The following TCF4 variants were observed in gnomAD, a reference collection of about 807,000 sequenced individuals.
The protein encoded by TCF4 is transcription factor 4.
In TCF4, 3 loss-of-function variants were observed where a neutral mutation model predicts 82.1. The observed-to-expected ratio is 0.04, with a 90% CI of 0.02 to 0.09. TCF4 has a LOEUF of 0.09. Among genes scored for constraint, TCF4 ranks in the 10% least tolerant of loss-of-function variants. TCF4 has a pLI of 1.00. For missense variants in TCF4, 518 were observed against 852.7 expected, an observed-to-expected ratio of 0.61 and a Z score of 4.89; for synonymous variants, 276 against 309.6, an observed-to-expected ratio of 0.89 and a Z score of 1.14.
At chr18:55,281,837 A>T (rs148483753) in intron 8 of TCF4, among the ~76,000 whole-genome samples, 3,167 of 152,092 alleles carry the variant, frequency 0.021, 59 homozygotes, top group Non-Finnish European at 0.032. Context: ...TCAAGCTCAA[A>T]TATCTAAGAG....
intron 6 of TCF4, among the ~76,000 whole-genome samples, chr18:55,370,963 A>C (rs1307689659): frequency 6.6e-6 from 1 of 152,158 alleles, no homozygotes; most frequent in Non-Finnish European, 1.5e-5. Flanking sequence ...TGTGGGGGGA[A>C]ATGTTATTTT....
intron 8 of TCF4, among the ~76,000 whole-genome samples, chr18:55,337,412 G>A (rs1246610658): frequency 6.6e-6 from 1 of 152,196 alleles, no homozygotes; most frequent in Non-Finnish European, 1.5e-5. Context: ...ATTCGCTCAA[G>A]ATGGCAACTC....
intron 3 of TCF4, among the ~76,000 whole-genome samples, chr18:55,539,537 C>T (rs1374558461): frequency 6.6e-6 from 1 of 152,026 alleles, no homozygotes; most frequent in Non-Finnish European, 1.5e-5. Context: ...GTCCCATAAC[C>T]CAGAGCACAA....
At chr18:55,404,009 C>CTT in intron 5 of TCF4, 16 of 1,190,908 alleles carry the variant, frequency 1.3e-5, no homozygotes, top group Non-Finnish European at 1.7e-5. Flanking sequence ...CTCTCTCTCT[C>CTT]TTTTTTAAAA....
At chr18:55,516,065 T>C (rs891510578) in intron 3 of TCF4, among the ~76,000 whole-genome samples, 2 of 152,154 alleles carry the variant, frequency 1.3e-5, no homozygotes, top group Non-Finnish European at 2.9e-5. Context: ...GTGGTGGTGG[T>C]GTGTATGTGA....
At chr18:55,415,131 A>C (rs2094480830) in intron 5 of TCF4, among the ~76,000 whole-genome samples, 1 of 152,200 alleles carries the variant, frequency 6.6e-6, no homozygotes, top group Non-Finnish European at 1.5e-5. Context: ...AGGCAAGGGG[A>C]ATATGAAAGC....
intron 3 of TCF4, among the ~76,000 whole-genome samples, chr18:55,549,596 C>G (rs1369514357): frequency 1.3e-5 from 2 of 152,188 alleles, no homozygotes; most frequent in African/African-American, 2.4e-5. Context: ...GTCTTCCACA[C>G]CTTGTCTCAC....
At chr18:55,542,777 T>C (rs767719246) in intron 3 of TCF4, among the ~76,000 whole-genome samples, 7 of 152,028 alleles carry the variant, frequency 4.6e-5, no homozygotes, top group Admixed American at 4.6e-4. Flanking sequence ...AAACACAACA[T>C]TTTAAGAAAG....
intron 18 of TCF4, 115 bp downstream of exon 18, chr18:55,228,732 G>A: frequency 2.8e-6 from 3 of 1,087,440 alleles, no homozygotes; most frequent in Non-Finnish European, 4.1e-6. Context: ...ACAATTCTTT[G>A]GAATGATGCT....
chr18:55,311,908 C>G (rs150546200), intron 8 of TCF4, among the ~76,000 whole-genome samples: 2 of 152,126 alleles, frequency 1.3e-5, no homozygotes, highest in Non-Finnish European at 2.9e-5. Flanking sequence ...TGAAATCTAT[C>G]CATCTATCTA....
intron 3 of TCF4, among the ~76,000 whole-genome samples, chr18:55,517,468 C>T (rs1435841288): frequency 1.3e-5 from 2 of 152,052 alleles, no homozygotes; most frequent in Non-Finnish European, 2.9e-5. Context: ...GAGCTCAGTC[C>T]AAGCAGGTAA....
chr18:55,427,914 G>T (rs1056699818), intron 5 of TCF4, among the ~76,000 whole-genome samples: 1 of 152,104 alleles, frequency 6.6e-6, no homozygotes, highest in Non-Finnish European at 1.5e-5. Flanking sequence ...AATTTACATG[G>T]GATTTTGCAT....
At chr18:55,568,432 T>C (rs937263236) in intron 3 of TCF4, among the ~76,000 whole-genome samples, 1 of 151,692 alleles carries the variant, frequency 6.6e-6, no homozygotes, top group African/African-American at 2.4e-5. Context: ...TATAACTTTA[T>C]GGTAATAAAT....
chr18:55,376,428 T>C (rs2090766175), intron 6 of TCF4, among the ~76,000 whole-genome samples: 1 of 152,204 alleles, frequency 6.6e-6, no homozygotes. Context: ...ATTGGGCCAC[T>C]GGGGAGTGCC....
intron 5 of TCF4, among the ~76,000 whole-genome samples, chr18:55,408,880 G>T (rs954246647): frequency 1.3e-5 from 2 of 151,540 alleles, no homozygotes; most frequent in Non-Finnish European, 2.9e-5. Flanking sequence ...TCAAATCCCA[G>T]AGCTCAAAAC....
At chr18:55,597,195 T>C (rs2097691872) in intron 2 of TCF4, among the ~76,000 whole-genome samples, 1 of 152,288 alleles carries the variant, frequency 6.6e-6, no homozygotes, top group African/African-American at 2.4e-5. Flanking sequence ...TCTTCATAAA[T>C]TACCCAGTCT....
Position 55,275,604 on chromosome 18 carries a change from G to C in TCF4, c.789+15C>G. On this transcript the variant is annotated intron_variant, in intron 10 of 19. Coordinates refer to ENST00000354452, the MANE Select transcript of TCF4 (RefSeq NM_001083962.2). ...CTAGCTGTGACATTCCCGTTACCGT[G>C]TATGTCTGCCTTACCAAACGTTCAT... is the stretch of plus-strand genomic sequence containing the variant. The C allele has an allele frequency of 6.2e-7, 1 of 1,613,658 alleles. No homozygotes were observed. The highest frequency in any genetic ancestry group is 1.1e-5 in the South Asian group (1 of 91,078).
intron 2 of TCF4, among the ~76,000 whole-genome samples, chr18:55,600,921 T>C (rs2097696203): frequency 6.6e-6 from 1 of 152,202 alleles, no homozygotes; most frequent in African/African-American, 2.4e-5. Flanking sequence ...CTGGAGATGA[T>C]TTAAAGTATA....
At chr18:55,230,369 ACAG>A (rs2144500090) in intron 17 of TCF4, 1 of 152,358 alleles carries the variant, frequency 6.6e-6, no homozygotes, top group East Asian at 1.9e-4. Context: ...GGAAGTCGTC[ACAG>A]CAGCAGGGTT....
Sources: allele counts gnomAD v4.1 joint callset (sites outside exome capture counted in the v4.1 genomes callset), GRCh38; gene constraint gnomAD v4.1.1; transcripts MANE v1.5; gene names NCBI Gene and HGNC (gene_info 2026-07-23, HGNC 2026-07-21).